Variants in LUZP2 observed in about 807,000 individuals in gnomAD.
LUZP2 encodes leucine zipper protein 2.
A neutral mutation model predicts 51.6 loss-of-function variants in LUZP2; 52 were observed. The observed-to-expected ratio is 1.01, with a 90% CI of 0.81 to 1.27. LUZP2 has a LOEUF of 1.27. LUZP2 is among the 50% of genes most tolerant of loss of function. The pLI, the probability that LUZP2 is intolerant of heterozygous loss-of-function variation, is 0.00. For synonymous variants in LUZP2, 154 were observed against 137.3 expected (o/e 1.12, Z -0.85); for missense variants, 436 against 395.4 (o/e 1.10, Z -0.87).
intron 1 of LUZP2, among the ~76,000 whole-genome samples, chr11:24,543,939 T>C (rs775694646): frequency 8.6e-5 from 13 of 151,746 alleles, no homozygotes; most frequent in Non-Finnish European, 1.8e-4. Flanking sequence ...TGAGACATCA[T>C]TGAGCAGTTC....
chr11:24,718,498 T>C (rs1488398444), intron 1 of LUZP2, among the ~76,000 whole-genome samples: 2 of 152,198 alleles, frequency 1.3e-5, no homozygotes, highest in Non-Finnish European at 2.9e-5. Flanking sequence ...ATGAATCTTA[T>C]CTAGCTCGTA....
At chr11:24,748,443 G>A (rs181452100) in intron 4 of LUZP2, among the ~76,000 whole-genome samples, 1 of 151,648 alleles carries the variant, frequency 6.6e-6, no homozygotes, top group East Asian at 1.9e-4. Flanking sequence ...TTTAGAGGGT[G>A]TGTCTATTCT....
intron 1 of LUZP2, among the ~76,000 whole-genome samples, chr11:24,660,729 C>T (rs1178467560): frequency 6.6e-6 from 1 of 152,032 alleles, no homozygotes; most frequent in Non-Finnish European, 1.5e-5. Context: ...GCAGAGTTAC[C>T]TTTTAGTTAG....
At chr11:25,051,535 A>G (rs1858515004) in intron 10 of LUZP2, among the ~76,000 whole-genome samples, 1 of 152,212 alleles carries the variant, frequency 6.6e-6, no homozygotes, top group African/African-American at 2.4e-5. Context: ...GGTCTTTGAC[A>G]GTGAGCAAAT....
chr11:24,573,581 G>A (rs1852510504), intron 1 of LUZP2, among the ~76,000 whole-genome samples: 1 of 151,914 alleles, frequency 6.6e-6, no homozygotes, highest in African/African-American at 2.4e-5. Flanking sequence ...CATATTTAGA[G>A]TAGTTAAATT....
At chr11:24,840,335 A>G (rs1001801818) in intron 5 of LUZP2, among the ~76,000 whole-genome samples, 1 of 151,932 alleles carries the variant, frequency 6.6e-6, no homozygotes, top group African/African-American at 2.4e-5. Flanking sequence ...GCATAGCCTT[A>G]TATAGGAAAC....
At chr11:24,914,006 A>G (rs1392431672) in intron 6 of LUZP2, among the ~76,000 whole-genome samples, 1 of 152,152 alleles carries the variant, frequency 6.6e-6, no homozygotes, top group Non-Finnish European at 1.5e-5. Context: ...TCAGCTCAGC[A>G]TGTTAGTATT....
At chr11:25,033,850 T>G (rs1259558821) in intron 9 of LUZP2, among the ~76,000 whole-genome samples, 1 of 152,096 alleles carries the variant, frequency 6.6e-6, no homozygotes, top group Non-Finnish European at 1.5e-5. Context: ...CTGGGTCGAT[T>G]CCAATCTTTG....
At chr11:24,679,779 A>C (rs1856674215) in intron 1 of LUZP2, among the ~76,000 whole-genome samples, 1 of 152,136 alleles carries the variant, frequency 6.6e-6, no homozygotes, top group African/African-American at 2.4e-5. Context: ...ACTCACCATA[A>C]TCCTTACCTA....
chr11:24,738,866 T>G (rs1859034222), intron 4 of LUZP2, among the ~76,000 whole-genome samples: 1 of 152,056 alleles, frequency 6.6e-6, no homozygotes, highest in African/African-American at 2.4e-5. Flanking sequence ...TACGAATATT[T>G]ACCACAGGCA....
In LUZP2 at chr11:24,655,161, T is replaced by G. The variant is rs78289942; in HGVS notation, c.63-74008T>G. ...TTTCATTGAAACATCTTTGTTTCTA[T>G]TTTACACTGGTGTAATTAAGACTTT... On this transcript the variant is annotated intron_variant, in intron 1 of 11. Transcript: ENST00000336930. Among the ~76,000 whole-genome samples, 1,255 of 152,282 alleles carry G rather than the reference T, an allele frequency of 8.2e-3. 14 individuals are homozygous for G. The highest frequency in any genetic ancestry group is 0.028 in the African/African-American group (1,171 of 41,558).
chr11:25,050,043 A>G lies in LUZP2; in HGVS notation c.771A>G (p.Gln257=), dbSNP rs761590178. 3 of 1,588,424 alleles carry G rather than the reference A, an allele frequency of 1.9e-6. No homozygotes were observed. Among genetic ancestry groups the G allele is most frequent in the South Asian group, 2.3e-5 (2 of 86,380 alleles). Residue 257 remains glutamine, a synonymous_variant, in exon 10 of 12, where the codon CAA becomes CAG. Coordinates refer to ENST00000336930, the MANE Select transcript of LUZP2 (RefSeq NM_001009909.4). ...LPDAAAKSKP[Q]QSASGNNESS... is the part of the protein sequence containing the mutation. ...CTCTCTTCGTCTCTTTTAAGCCTCA[A>G]CAAAGTGCTTCTGGAAACAATGAGA...
intron 1 of LUZP2, among the ~76,000 whole-genome samples, chr11:24,516,062 G>C (rs1426465781): frequency 6.6e-6 from 1 of 152,062 alleles, no homozygotes; most frequent in Non-Finnish European, 1.5e-5. Context: ...CACATGACTA[G>C]TTATGTGATT....
At chr11:25,009,585 T>C (rs906058733) in intron 9 of LUZP2, among the ~76,000 whole-genome samples, 3 of 152,138 alleles carry the variant, frequency 2.0e-5, no homozygotes, top group African/African-American at 7.2e-5. Flanking sequence ...TAAGAAGGGA[T>C]CACCATGTCA....
chr11:24,718,126 A>G (rs1293573410), intron 1 of LUZP2, among the ~76,000 whole-genome samples: 2 of 152,234 alleles, frequency 1.3e-5, no homozygotes, highest in Admixed American at 6.5e-5. Flanking sequence ...AGGACTATCA[A>G]AAACTGGCTG....
At chr11:25,004,392 G>A (rs186695195) in intron 9 of LUZP2, among the ~76,000 whole-genome samples, 54 of 152,222 alleles carry the variant, frequency 3.5e-4, no homozygotes, top group African/African-American at 1.3e-3. Context: ...CTATGACAAA[G>A]GCTGCAGCCT....
chr11:24,622,368 A>G (rs770742763), intron 1 of LUZP2, among the ~76,000 whole-genome samples: 6 of 151,574 alleles, frequency 4.0e-5, no homozygotes, highest in Non-Finnish European at 7.4e-5. Context: ...TATGAGTGGG[A>G]ACATGCGGTG....
rs189525921 is a variant in LUZP2 at position 25,019,431 on chromosome 11, T to C, written c.766-30607T>C. On this transcript the variant is annotated intron_variant, in intron 9 of 11. Transcript: ENST00000336930. The stretch of plus-strand genomic sequence containing the variant: ...AATTAATTGTAAATTTGATTTGAAC[T>C]ATATCATATACCATTGTCTTATAGA... 3.3e-5 allele frequency among the ~76,000 whole-genome samples: 5 copies of C among 152,304 alleles called. No homozygotes were observed. The East Asian group carries it at 7.7e-4, about 23-fold the overall frequency.
chr11:24,739,239 C>T (rs998117316), intron 4 of LUZP2, among the ~76,000 whole-genome samples: 6 of 151,868 alleles, frequency 4.0e-5, no homozygotes, highest in South Asian at 2.1e-4. Flanking sequence ...GGCTTGGGAT[C>T]GGATAAATGG....
Sources: gnomAD v4.1 joint callset for allele counts (sites outside exome capture counted in the v4.1 genomes callset) on GRCh38, gnomAD v4.1.1 for gene constraint, MANE v1.5 for transcripts, NCBI Gene and HGNC (gene_info 2026-07-23, HGNC 2026-07-21) for gene names.